SYNE1: variants seen among roughly 807,000 people sequenced by gnomAD.
SYNE1 encodes the protein spectrin repeat containing nuclear envelope protein 1.
In SYNE1, 616 loss-of-function variants were observed where a neutral mutation model predicts 1,111.0. The observed-to-expected ratio is 0.55, with a 90% CI of 0.52 to 0.59. The LOEUF is 0.59. SYNE1 is among the 20% of genes least tolerant of loss of function. The pLI, the probability that SYNE1 is intolerant of heterozygous loss-of-function variation, is 0.00. For synonymous variants in SYNE1, 3,855 were observed against 3,825.8 expected, an observed-to-expected ratio of 1.01 and a Z score of -0.28; for missense variants, 10,006 against 10,417.0, an observed-to-expected ratio of 0.96 and a Z score of 1.72.
At position 152,336,959 on chromosome 6, in the gene SYNE1, T is replaced by C. The variant is rs757045736; in HGVS notation, c.12410A>G (p.His4137Arg). Residue 4137 changes from histidine (H) to arginine (R), a missense_variant, in exon 76 of 146, where the codon CAC (histidine) becomes CGC (arginine). Coordinates refer to ENST00000367255, the MANE Select transcript of SYNE1 (RefSeq NM_182961.4). ...GTAAATCCAGAGCTCAGACTTCAGG[T>C]GCTTGATCTCTTCCCAGCCCTGAGT... is the stretch of plus-strand genomic sequence containing the variant. ...NLTQGWEEIK[H>R]LKSELWIYLQ... 4 of 1,614,030 alleles carry C rather than the reference T, an allele frequency of 2.5e-6. No homozygotes were observed. Among genetic ancestry groups the C allele is most frequent in the Non-Finnish European group, 3.4e-6 (4 of 1,180,050 alleles).
At chr6:152,604,191 T>G (rs928057771) in intron 3 of SYNE1, among the ~76,000 whole-genome samples, 5 of 151,940 alleles carry the variant, frequency 3.3e-5, no homozygotes, top group Admixed American at 6.6e-5. Context: ...TGTGTGTGTG[T>G]GTGTATGTAG....
chr6:152,196,734 C>T (rs2074224717), intron 127 of SYNE1, among the ~76,000 whole-genome samples: 1 of 151,842 alleles, frequency 6.6e-6, no homozygotes, highest in South Asian at 2.1e-4. Flanking sequence ...AGCTGTATTG[C>T]CTGGGGTTGG....
rs565341859 is a variant in SYNE1 at position 152,557,600 on chromosome 6, G to A, written c.68-17579C>T. 1.9e-4 allele frequency among the ~76,000 whole-genome samples: 29 copies of A among 152,230 alleles called. No homozygotes were observed. In the South Asian group the frequency reaches 5.8e-3, roughly 30 times the overall value. ...ATTTGTTATGTATAAGGGAAACTCCGTAAGATTACAAGCAGTTTTCTCAGT... is the reference window on the plus strand; with the variant it reads ...ATTTGTTATGTATAAGGGAAACTCCATAAGATTACAAGCAGTTTTCTCAGT... On this transcript the variant is annotated intron_variant, in intron 3 of 145. Coordinates refer to ENST00000367255, the MANE Select transcript of SYNE1 (RefSeq NM_182961.4).
rs565216068 is a variant in SYNE1 at position 152,600,388 on chromosome 6, T to A, written c.67+27877A>T. Among the ~76,000 whole-genome samples the A allele has an allele frequency of 2.1e-4, 32 of 152,296 alleles. No homozygotes were observed. The East Asian group carries it at 2.5e-3, about 12-fold the overall frequency. ...GCTGGTAAAGGGTGATAATTTTTTTTAAAAAGCTCACAATTTTAAAATTGT... is the reference window on the plus strand; with the variant it reads ...GCTGGTAAAGGGTGATAATTTTTTTAAAAAAGCTCACAATTTTAAAATTGT... On this transcript the variant is annotated intron_variant, in intron 3 of 145. Coordinates refer to ENST00000367255, the MANE Select transcript of SYNE1 (RefSeq NM_182961.4).
intron 106 of SYNE1, 93 bp from the exon 107 acceptor site, chr6:152,242,533 C>A: frequency 7.0e-7 from 1 of 1,433,174 alleles, no homozygotes; most frequent in Non-Finnish European, 9.7e-7. Flanking sequence ...GCCCGAGACC[C>A]AACCAAGAAA....
chr6:152,163,663 T>C (rs2063007575), intron 131 of SYNE1, among the ~76,000 whole-genome samples: 1 of 152,180 alleles, frequency 6.6e-6, no homozygotes, highest in Non-Finnish European at 1.5e-5. Flanking sequence ...AATTACTGTG[T>C]GCGATCTGCA....
intron 3 of SYNE1, among the ~76,000 whole-genome samples, chr6:152,595,170 A>C (rs1299564221): frequency 6.6e-6 from 1 of 152,142 alleles, no homozygotes; most frequent in Non-Finnish European, 1.5e-5. Context: ...TCACTTCTAC[A>C]TTCTTCCTTC....
intron 55 of SYNE1, among the ~76,000 whole-genome samples, chr6:152,381,944 T>G (rs994313024): frequency 3.9e-5 from 6 of 152,208 alleles, no homozygotes; most frequent in East Asian, 1.9e-4. Flanking sequence ...TAGACTGACT[T>G]ACTCAAAAGT....
At chr6:152,511,765 T>C (rs1457177565) in intron 6 of SYNE1, among the ~76,000 whole-genome samples, 1 of 152,168 alleles carries the variant, frequency 6.6e-6, no homozygotes, top group Non-Finnish European at 1.5e-5. Context: ...CAGAGCCTAT[T>C]AGCATTCAGT....
At chr6:152,620,585 A>AT (rs1235690685) in intron 3 of SYNE1, among the ~76,000 whole-genome samples, 1 of 152,004 alleles carries the variant, frequency 6.6e-6, no homozygotes, top group African/African-American at 2.4e-5. Flanking sequence ...ACCAAGTTTA[A>AT]TTTTTTTCTC....
intron 108 of SYNE1, 28 bp from the exon 109 acceptor site, chr6:152,236,976 T>TAA (rs36215566): frequency 3.0e-5 from 48 of 1,611,478 alleles, no homozygotes; most frequent in East Asian, 1.1e-4. Context: ...GTCTGTGAGC[T>TAA]AAAAAAACCC....
At chr6:152,558,187 A>C (rs1018975543) in intron 3 of SYNE1, among the ~76,000 whole-genome samples, 1 of 152,116 alleles carries the variant, frequency 6.6e-6, no homozygotes, top group African/African-American at 2.4e-5. Flanking sequence ...ACAAAGAAAA[A>C]ATCTGTAAGT....
chr6:152,627,995 C>A (rs1257312563), intron 3 of SYNE1, among the ~76,000 whole-genome samples: 1 of 118,832 alleles, frequency 8.4e-6, no homozygotes, highest in Non-Finnish European at 1.7e-5. Context: ...TAATTCCCAA[C>A]TGGACAATGA....
rs746885337 is a variant in SYNE1, at chr6:152,387,416, T to TC, written c.8178-36_8178-35insG. 3.7e-6 allele frequency: 6 copies of TC among 1,600,614 alleles called. No individual in the cohort carries two copies. In the African/African-American group the frequency reaches 8.0e-5, roughly 21 times the overall value. On this transcript the variant is annotated intron_variant, in intron 53 of 145. Transcript: ENST00000367255. ...ATGTCACATATTAACAAAAATGAAT[T>TC]ATTTTGACATCTCTACTGAAAACCA... is the stretch of plus-strand genomic sequence containing the variant.
At chr6:152,599,568 A>G (rs988404941) in intron 3 of SYNE1, among the ~76,000 whole-genome samples, 5 of 152,200 alleles carry the variant, frequency 3.3e-5, no homozygotes, top group African/African-American at 9.7e-5. Flanking sequence ...TTTTAGATAA[A>G]CATGGATAAA....
chr6:152,158,946 A>G (rs2061883402), intron 131 of SYNE1, among the ~76,000 whole-genome samples: 1 of 152,252 alleles, frequency 6.6e-6, no homozygotes. Flanking sequence ...TTTTAGGCTC[A>G]GCTTCAACTT....
At chr6:152,481,189 A>G in intron 14 of SYNE1, 1 of 213,878 alleles carries the variant, frequency 4.7e-6, no homozygotes, top group Non-Finnish European at 9.5e-6. Context: ...TGGGACATTT[A>G]AGTCAAAGTT....
chr6:152,293,880 T>C, intron 94 of SYNE1, 80 bp downstream of exon 94: 1 of 1,610,046 alleles, frequency 6.2e-7, no homozygotes, highest in Non-Finnish European at 8.5e-7. Flanking sequence ...ATATGTAAAC[T>C]CTCTGCATGT....
In SYNE1 at chr6:152,230,598, C is replaced by T; in HGVS notation, c.21144G>A (p.Gln7048=). ...FETQEKRLKQ[Q]HRIGDQASVQ... ...CAGAAGCCTGATCTCCAATTCGATG[C>T]TGTTGTTTTAGTCTCTTTTCCTGGG... is the stretch of plus-strand genomic sequence containing the variant. Residue 7048 remains glutamine, a synonymous_variant, in exon 115 of 146, where the codon CAG becomes CAA. Coordinates refer to ENST00000367255, the MANE Select transcript of SYNE1 (RefSeq NM_182961.4). 1.2e-6 allele frequency: 2 copies of T among 1,614,084 alleles called. No individual in the cohort carries two copies. Among genetic ancestry groups the T allele is most frequent in the Non-Finnish European group, 1.7e-6 (2 of 1,179,992 alleles).
Sources: gnomAD v4.1 joint callset for allele counts (sites outside exome capture counted in the v4.1 genomes callset) on GRCh38, gnomAD v4.1.1 for gene constraint, MANE v1.5 for transcripts, NCBI Gene and HGNC (gene_info 2026-07-23, HGNC 2026-07-21) for gene names.